Variants in RBFOX1 observed in about 807,000 individuals in gnomAD.
RBFOX1 encodes RNA binding fox-1 homolog 1.
A neutral mutation model predicts 57.7 loss-of-function variants in RBFOX1; 8 were observed. The observed-to-expected ratio is 0.14, with a 90% CI of 0.08 to 0.25. The LOEUF is 0.25. RBFOX1 is among the 10% of genes least tolerant of loss of function. RBFOX1 has a pLI of 1.00. For missense variants in RBFOX1, 611 were observed against 548.5 expected (o/e 1.11, Z -1.14); for synonymous variants, 326 against 222.4 (o/e 1.47, Z -4.15).
chr16:7,657,871 G>C (rs1337651677), intron 12 of RBFOX1, among the ~76,000 whole-genome samples: 1 of 152,160 alleles, frequency 6.6e-6, no homozygotes, highest in East Asian at 1.9e-4. Context: ...AATTGAATGA[G>C]ACTGAAGAGT....
rs112177714 is a variant in RBFOX1 at position 5,530,267 on chromosome 16, C to G, written c.258+63013C>G. The stretch of plus-strand genomic sequence containing the variant: ...GTGAGGACGGCTGCAACACCACTAT[C>G]TCCTACTTCTTAACTGCTTCTTTTG... On this transcript the variant is annotated intron_variant, in intron 2 of 2. Transcript: ENST00000585867. 5.6e-3 allele frequency among the ~76,000 whole-genome samples: 858 copies of G among 152,292 alleles called. 15 individuals carry two copies. Among genetic ancestry groups the G allele is most frequent in the African/African-American group, 0.02 (814 of 41,572 alleles).
At chr16:6,434,227 C>T (rs565721472) in intron 2 of RBFOX1, among the ~76,000 whole-genome samples, 30 of 152,324 alleles carry the variant, frequency 2.0e-4, no homozygotes, top group Middle Eastern at 3.4e-3. Context: ...TCCCTAATTA[C>T]ATAACATCTG....
At chr16:7,680,420 C>T (rs1406101909) in intron 14 of RBFOX1, among the ~76,000 whole-genome samples, 1 of 152,174 alleles carries the variant, frequency 6.6e-6, no homozygotes, top group Non-Finnish European at 1.5e-5. Flanking sequence ...ACACTCTTAA[C>T]ATTTCCTAAT....
chr16:6,876,858 TG>T (rs2061943459), intron 3 of RBFOX1, among the ~76,000 whole-genome samples: 1 of 152,210 alleles, frequency 6.6e-6, no homozygotes, highest in Non-Finnish European at 1.5e-5. Context: ...GAAGTGGGAT[TG>T]GCATTCATCA....
At chr16:7,272,394 A>T (rs1256795227) in intron 4 of RBFOX1, among the ~76,000 whole-genome samples, 1 of 152,124 alleles carries the variant, frequency 6.6e-6, no homozygotes, top group East Asian at 1.9e-4. Flanking sequence ...CATGTTGGCC[A>T]GGTTGGGCTT....
chr16:6,981,283 C>G lies in RBFOX1; in HGVS notation c.-15-70774C>G, dbSNP rs182823403. ...TCCCCTCCTCCCACCATTCACCCTC[C>G]AAAAGGCCCCTGTGTTTTGTCCCCC... On this transcript the variant is annotated intron_variant, in intron 3 of 15. Coordinates refer to ENST00000550418, the MANE Select transcript of RBFOX1 (RefSeq NM_018723.4). Among the ~76,000 whole-genome samples, 1,259 of 152,076 alleles carry G rather than the reference C, an allele frequency of 8.3e-3. 30 individuals carry two copies. Among genetic ancestry groups the G allele is most frequent in the African/African-American group, 0.029 (1,203 of 41,434 alleles).
chr16:6,510,344 A>G (rs1305876543), intron 2 of RBFOX1, among the ~76,000 whole-genome samples: 1 of 152,142 alleles, frequency 6.6e-6, no homozygotes, highest in Non-Finnish European at 1.5e-5. Flanking sequence ...TGTTCGTGGA[A>G]GGTCACATGT....
intron 5 of RBFOX1, among the ~76,000 whole-genome samples, chr16:7,528,988 G>A (rs1567681944): frequency 1.3e-5 from 2 of 152,220 alleles, no homozygotes; most frequent in Admixed American, 6.5e-5. Context: ...GCCAGGCACA[G>A]TGGCTCACAT....
intron 4 of RBFOX1, among the ~76,000 whole-genome samples, chr16:7,306,148 C>G (rs1295941191): frequency 6.6e-6 from 1 of 151,994 alleles, no homozygotes; most frequent in Admixed American, 6.6e-5. Flanking sequence ...GTTCTCCGTT[C>G]CTTTGTGTGG....
chr16:5,423,656 A>C (rs566365536), intron 1 of RBFOX1, among the ~76,000 whole-genome samples: 6 of 152,304 alleles, frequency 3.9e-5, no homozygotes, highest in African/African-American at 1.4e-4. Context: ...TCTTATTGAT[A>C]TAATATCTTC....
chr16:6,706,151 G>C (rs1890265149), intron 3 of RBFOX1, among the ~76,000 whole-genome samples: 1 of 152,144 alleles, frequency 6.6e-6, no homozygotes, highest in South Asian at 2.1e-4. Context: ...GTTGTGTCAG[G>C]GTTTGTGTTG....
intron 4 of RBFOX1, among the ~76,000 whole-genome samples, chr16:7,418,881 G>GT (rs56322019): frequency 7.3e-5 from 11 of 151,516 alleles, no homozygotes; most frequent in Non-Finnish European, 8.8e-5. Flanking sequence ...AAGAGTCGAG[G>GT]TTTTTTTTTG....
intron 3 of RBFOX1, among the ~76,000 whole-genome samples, chr16:6,855,223 G>A (rs953901616): frequency 6.6e-6 from 1 of 152,080 alleles, no homozygotes; most frequent in African/African-American, 2.4e-5. Flanking sequence ...TGATAAGCAT[G>A]CAGTGAACAT....
chr16:5,955,591 T>C (rs182239158), intron 4 of RBFOX1, among the ~76,000 whole-genome samples: 2 of 152,254 alleles, frequency 1.3e-5, no homozygotes, highest in East Asian at 3.9e-4. Flanking sequence ...AATGTATAAG[T>C]CACCTCTTTG....
intron 1 of RBFOX1, among the ~76,000 whole-genome samples, chr16:5,447,774 C>T (rs567314201): frequency 6.6e-6 from 1 of 152,314 alleles, no homozygotes; most frequent in East Asian, 1.9e-4. Flanking sequence ...CTTTTCTCTG[C>T]AGATGGCAGT....
chr16:5,951,702 AGGT>A (rs2059523361), intron 4 of RBFOX1, among the ~76,000 whole-genome samples: 1 of 152,046 alleles, frequency 6.6e-6, no homozygotes, highest in Non-Finnish European at 1.5e-5. Context: ...TCATCTTCAC[AGGT>A]AGCCACTTCC....
At chr16:5,428,751 G>A (rs552062735) in intron 1 of RBFOX1, among the ~76,000 whole-genome samples, 1 of 152,264 alleles carries the variant, frequency 6.6e-6, no homozygotes, top group African/African-American at 2.4e-5. Flanking sequence ...GAGGTTTCTG[G>A]GTTGGAGAAA....
At chr16:6,927,484 G>A (rs1368849265) in intron 3 of RBFOX1, among the ~76,000 whole-genome samples, 2 of 139,970 alleles carry the variant, frequency 1.4e-5, no homozygotes, top group Non-Finnish European at 3.0e-5. Context: ...TTTCAAAAAT[G>A]TTTCCTCTCT....
intron 3 of RBFOX1, among the ~76,000 whole-genome samples, chr16:7,037,719 A>C (rs2044943885): frequency 6.6e-6 from 1 of 152,202 alleles, no homozygotes; most frequent in Non-Finnish European, 1.5e-5. Context: ...GACCCAGGCA[A>C]GGAATTTGTT....
Sources: gnomAD v4.1 joint callset for allele counts (sites outside exome capture counted in the v4.1 genomes callset) on GRCh38, gnomAD v4.1.1 for gene constraint, MANE v1.5 for transcripts, NCBI Gene and HGNC (gene_info 2026-07-23, HGNC 2026-07-21) for gene names.